Variants in ITIH2 observed in about 807,000 individuals in gnomAD.
ITIH2 encodes the protein inter-alpha-trypsin inhibitor heavy chain H2.
Under a neutral mutation model 104.4 loss-of-function variants are expected in ITIH2, and 103 were observed. The observed-to-expected ratio is 0.99, with a 90% CI of 0.84 to 1.16. The LOEUF (loss-of-function observed/expected upper bound fraction) is 1.16, where lower values mean the gene tolerates loss of function less well. Among genes scored for constraint, ITIH2 ranks in the 50% most tolerant of loss-of-function variants. The probability of loss-of-function intolerance (pLI) is 0.00; values close to 1 mark genes in which losing one functional copy is unlikely to be tolerated. For synonymous variants in ITIH2, 436 were observed against 435.4 expected (o/e 1.00, Z -0.02); for missense variants, 1,108 against 1,162.4 (o/e 0.95, Z 0.68).
chr10:7,735,413 T>C (rs991878159), intron 15 of ITIH2, among the ~76,000 whole-genome samples: 1 of 151,996 alleles, frequency 6.6e-6, no homozygotes, highest in Admixed American at 6.6e-5. Flanking sequence ...AAGTTTTTTT[T>C]CATTAGCTGG....
rs1271925051 is a variant in ITIH2, at chr10:7,744,641, C to T, written c.2409-150C>T. ...AGCTTCCCAATGAGTTTCTGTTAATCCATCATTTATCTATAAACTGTTGCA... is the reference window on the plus strand; with the variant it reads ...AGCTTCCCAATGAGTTTCTGTTAATTCATCATTTATCTATAAACTGTTGCA... On this transcript the variant is annotated intron_variant, in intron 18 of 20. Transcript: ENST00000358415. 1.2e-5 allele frequency: 8 copies of T among 670,614 alleles called. No homozygotes were observed. The East Asian group carries it at 2.2e-4, about 18-fold the overall frequency. 41.5% of individuals were successfully genotyped at this position (670,614 alleles called of 1,614,324 possible).
chr10:7,737,710 T>TTATATTCTA (rs1835077092), intron 15 of ITIH2, among the ~76,000 whole-genome samples: 1 of 22,018 alleles, frequency 4.5e-5, no homozygotes, highest in Non-Finnish European at 8.0e-5. Flanking sequence ...ATATTCTATA[T>TTATATTCTA]TATATTCTAT....
At chr10:7,744,522 TG>T (rs2130966720) in intron 18 of ITIH2, among the ~76,000 whole-genome samples, 1 of 152,342 alleles carries the variant, frequency 6.6e-6, no homozygotes, top group Admixed American at 6.5e-5. Context: ...TCACTGTGTA[TG>T]TGCTAATCAG....
At chr10:7,715,305 C>A (rs1299879400) in intron 5 of ITIH2, among the ~76,000 whole-genome samples, 1 of 152,066 alleles carries the variant, frequency 6.6e-6, no homozygotes, top group African/African-American at 2.4e-5. Flanking sequence ...CCTGTAATCC[C>A]AGCTACTCAG....
chr10:7,731,873 A>C lies in ITIH2; in HGVS notation c.1524A>C (p.Thr508=). ...LRNVQFNYPH[T]SVTDVTQNNF... is the part of the protein sequence containing the mutation. ...ATGTTCAGTTCAACTATCCCCATAC[A>C]TCAGTCACGGACGTCACTCAAAACA... Residue 508 remains threonine (T), a synonymous_variant, in exon 13 of 21, where the codon ACA becomes ACC. Coordinates refer to ENST00000358415, the MANE Select transcript of ITIH2 (RefSeq NM_002216.3). 5 of 1,613,920 alleles carry C rather than the reference A, an allele frequency of 3.1e-6. No homozygotes were observed. The highest frequency in any genetic ancestry group is 4.2e-6 in the Non-Finnish European group (5 of 1,179,772).
intron 4 of ITIH2, 32 bp from the exon 5 acceptor site, chr10:7,713,149 T>A (rs1305198906): frequency 2.6e-6 from 4 of 1,539,228 alleles, no homozygotes; most frequent in Admixed American, 1.7e-5. Flanking sequence ...ATTACTATTC[T>A]GACCAACTGG....
chr10:7,729,053 C>G (rs892312748), intron 11 of ITIH2, among the ~76,000 whole-genome samples: 1 of 152,176 alleles, frequency 6.6e-6, no homozygotes, highest in African/African-American at 2.4e-5. Context: ...GTGGCTCACA[C>G]CTGTAATCCC....
At chr10:7,718,502 G>A (rs1834872251) in intron 6 of ITIH2, among the ~76,000 whole-genome samples, 1 of 152,064 alleles carries the variant, frequency 6.6e-6, no homozygotes. Context: ...AAAGAGTACT[G>A]TAACAGACTT....
In ITIH2 at chr10:7,738,743, C is replaced by A. The variant is rs1418220214; in HGVS notation, c.2080C>A (p.Pro694Thr). 6.2e-7 allele frequency: 1 copy of A among 1,610,964 alleles called. No individual in the cohort carries two copies. Among genetic ancestry groups the A allele is most frequent in the Admixed American group, 1.7e-5 (1 of 59,638 alleles). ...GSQVLESTPP[P>T]HVMRVENDPH... ...TCAGGTGCTAGAGTCCACGCCACCC[C>A]CACATGTGATGAGAGGTAACGCTTC... The change falls in exon 16 of 21, where the codon CCA becomes ACA. Residue 694 changes from proline (P) to threonine (T), a missense_variant. Transcript: ENST00000358415.
At chr10:7,738,850 C>T (rs893441351) in intron 16 of ITIH2, 92 bp downstream of exon 16, 33 of 1,279,862 alleles carry the variant, frequency 2.6e-5, no homozygotes, top group African/African-American at 2.2e-4. Flanking sequence ...CAGCGGCTCA[C>T]GCCTGTAATC....
intron 16 of ITIH2, among the ~76,000 whole-genome samples, chr10:7,742,440 C>T (rs1430127057): frequency 1.3e-5 from 2 of 152,050 alleles, no homozygotes; most frequent in Non-Finnish European, 2.9e-5. Flanking sequence ...TATATGGCTC[C>T]TTAAAAAATA....
At chr10:7,748,749 T>C (rs1588463692) in intron 20 of ITIH2, among the ~76,000 whole-genome samples, 1 of 151,534 alleles carries the variant, frequency 6.6e-6, no homozygotes, top group Admixed American at 6.6e-5. Context: ...TTTCACCATG[T>C]TGGCCAGGCT....
Position 7,729,953 on chromosome 10 carries a change from C to A in ITIH2, c.1281C>A (p.Gly427=), listed in dbSNP as rs769442335. 1.3e-6 allele frequency: 2 copies of A among 1,584,824 alleles called. No homozygotes were observed. Among genetic ancestry groups the A allele is most frequent in the Non-Finnish European group, 1.7e-6 (2 of 1,167,490 alleles). Residue 427 remains glycine, a splice_region_variant and synonymous_variant, in exon 12 of 21, where the codon GGC becomes GGA. Coordinates refer to ENST00000358415, the MANE Select transcript of ITIH2 (RefSeq NM_002216.3). ...CCTTTCGGACATCACCAACTTTAGGCGAACTAAAACTGTCAAAAATTCAGA... is the reference window on the plus strand; with the variant it reads ...CCTTTCGGACATCACCAACTTTAGGAGAACTAAAACTGTCAAAAATTCAGA... ...ILVSDGDPTV[G]ELKLSKIQKN...
chr10:7,709,098 T>G lies in ITIH2; in HGVS notation c.269T>G (p.Ile90Ser). ...TITSRMATTM[I>S]QSKVVNNSPQ... is the part of the protein sequence containing the mutation. ...ACTTCTCGGATGGCCACCACCATGA[T>G]CCAGAGCAAAGTGGTGAACAATTCC... is the stretch of plus-strand genomic sequence containing the variant. The change falls in exon 4 of 21, where the codon ATC becomes AGC. Residue 90 changes from isoleucine (I) to serine (S), a missense_variant. By Grantham distance (142) the Ile-to-Ser change is moderately radical. Transcript: ENST00000358415. 6.2e-7 allele frequency: 1 copy of G among 1,614,162 alleles called. No individual in the cohort carries two copies. Among genetic ancestry groups the G allele is most frequent in the African/African-American group, 1.3e-5 (1 of 75,036 alleles).
chr10:7,748,781 A>G (rs1382197379), intron 20 of ITIH2, among the ~76,000 whole-genome samples: 2 of 151,772 alleles, frequency 1.3e-5, no homozygotes, highest in South Asian at 2.1e-4. Context: ...CCTGGCCTCA[A>G]GTGGTCCGCC....
chr10:7,748,521 CTTTTTTTTTTTTTTTTTTT>C (rs549517172), intron 20 of ITIH2, among the ~76,000 whole-genome samples: 529 of 27,134 alleles, frequency 0.019, 17 homozygotes, highest in South Asian at 0.096. Context: ...CCAATGCATT[CTTTTTTTTTTTTTTTTTTT>C]TTTTTTTTTT....
At chr10:7,741,424 C>G (rs973655468) in intron 16 of ITIH2, among the ~76,000 whole-genome samples, 1 of 152,204 alleles carries the variant, frequency 6.6e-6, no homozygotes, top group East Asian at 1.9e-4. Flanking sequence ...GTGATCCACC[C>G]GCCTCAGCCT....
At chr10:7,747,109 GCTT>G (rs1476388888) in intron 20 of ITIH2, among the ~76,000 whole-genome samples, 1 of 152,164 alleles carries the variant, frequency 6.6e-6, no homozygotes, top group Non-Finnish European at 1.5e-5. Flanking sequence ...ATCTCTGACT[GCTT>G]TTTTTGTAGC....
At chr10:7,708,957 C>T (rs1834771387) in intron 3 of ITIH2, 65 bp from the exon 4 acceptor site, 1 of 1,339,896 alleles carries the variant, frequency 7.5e-7, no homozygotes, top group Middle Eastern at 2.2e-4. Flanking sequence ...ATCAAATGCA[C>T]TACATTTGAT....
Sources: allele counts gnomAD v4.1 joint callset (sites outside exome capture counted in the v4.1 genomes callset), GRCh38; gene constraint gnomAD v4.1.1; transcripts MANE v1.5; gene names NCBI Gene and HGNC (gene_info 2026-07-23, HGNC 2026-07-21).